The following RARB variants were observed in gnomAD, a reference collection of about 807,000 sequenced individuals.
The protein encoded by RARB is HBV-activated protein.
RARB carries 17 observed loss-of-function variants against 51.9 expected under a neutral mutation model. That is an observed-to-expected ratio of 0.33 (90% CI 0.22 to 0.49). RARB has a LOEUF of 0.49. Ranked by LOEUF, RARB falls within the 20% of genes least tolerant of loss-of-function variation. The pLI is 0.99. For synonymous variants in RARB, 215 were observed against 195.4 expected, an observed-to-expected ratio of 1.10 and a Z score of -0.84; for missense variants, 369 against 550.8, an observed-to-expected ratio of 0.67 and a Z score of 3.30.
intron 5 of RARB, among the ~76,000 whole-genome samples, chr3:25,238,239 A>G (rs1208894585): frequency 6.6e-6 from 1 of 152,024 alleles, no homozygotes; most frequent in Non-Finnish European, 1.5e-5. Flanking sequence ...CTACATATGA[A>G]TGAAAACATG....
At chr3:24,846,536 A>C (rs773235615) in intron 1 of RARB, among the ~76,000 whole-genome samples, 1 of 152,226 alleles carries the variant, frequency 6.6e-6, no homozygotes, top group Non-Finnish European at 1.5e-5. Context: ...TTAGTAAGCT[A>C]ATCTGGCAGG....
At chr3:25,534,061 C>A (rs1464607429) in intron 3 of RARB, among the ~76,000 whole-genome samples, 1 of 152,224 alleles carries the variant, frequency 6.6e-6, no homozygotes, top group Non-Finnish European at 1.5e-5. Context: ...AAATGCCTGA[C>A]TTTATTTGGC....
chr3:25,418,095 T>G (rs572207816), intron 5 of RARB, among the ~76,000 whole-genome samples: 1 of 152,294 alleles, frequency 6.6e-6, no homozygotes, highest in Admixed American at 6.5e-5. Flanking sequence ...CACACAACAC[T>G]TGTGATCACA....
In RARB at chr3:25,279,226, T is replaced by C. The variant is rs964786855; in HGVS notation, c.178+104651T>C. Reference sequence around the variant, plus strand: ...TTATTGTAAAATCAACACTGAAACTTGGATCTTCTGCCTTCAAACTTCCTT... The same window carrying C: ...TTATTGTAAAATCAACACTGAAACTCGGATCTTCTGCCTTCAAACTTCCTT... On this transcript the variant is annotated intron_variant, in intron 5 of 11. Coordinates refer to the RARB transcript ENST00000383772. Among the ~76,000 whole-genome samples, 3 of 152,168 alleles carry C rather than the reference T, an allele frequency of 2.0e-5. No homozygotes were observed. The South Asian group carries it at 6.2e-4, about 32-fold the overall frequency.
chr3:25,446,802 CAAAAAAAAAAAAAA>C (rs5847356), intron 1 of RARB, among the ~76,000 whole-genome samples: 9,630 of 70,336 alleles, frequency 0.14, 548 homozygotes, highest in East Asian at 0.4. Flanking sequence ...GACTCCGTCT[CAAAAAAAAAAAAAA>C]AAAAAAAAAA....
chr3:24,938,255 C>T (rs11710017), intron 2 of RARB, among the ~76,000 whole-genome samples: 2 of 151,864 alleles, frequency 1.3e-5, no homozygotes, highest in African/African-American at 4.8e-5. Flanking sequence ...TGGCAATTTT[C>T]TATCTACAAT....
At chr3:25,153,158 GTGC>G (rs1337847235) in intron 4 of RARB, among the ~76,000 whole-genome samples, 2 of 151,952 alleles carry the variant, frequency 1.3e-5, no homozygotes. Flanking sequence ...GTGTGTGTGT[GTGC>G]ATGCGTGCGT....
chr3:25,129,301 T>G (rs1699908460), intron 3 of RARB, among the ~76,000 whole-genome samples: 1 of 152,100 alleles, frequency 6.6e-6, no homozygotes, highest in African/African-American at 2.4e-5. Context: ...AAAGGTAGAT[T>G]TTTATTTTTC....
intron 3 of RARB, among the ~76,000 whole-genome samples, chr3:25,532,250 C>G (rs1361038150): frequency 1.3e-5 from 2 of 152,134 alleles, no homozygotes; most frequent in African/African-American, 4.8e-5. Flanking sequence ...TATCCCTAAA[C>G]CCCTTATTAT....
chr3:25,177,408 G>A (rs1356311728), intron 5 of RARB, among the ~76,000 whole-genome samples: 1 of 152,182 alleles, frequency 6.6e-6, no homozygotes, highest in Non-Finnish European at 1.5e-5. Context: ...GCTGACCAAC[G>A]TGGAATAAAA....
chr3:25,015,008 G>C (rs1240185320), intron 2 of RARB, among the ~76,000 whole-genome samples: 1 of 152,124 alleles, frequency 6.6e-6, no homozygotes, highest in African/African-American at 2.4e-5. Context: ...CAGGAAAACA[G>C]CGTTGTTTAT....
intron 4 of RARB, among the ~76,000 whole-genome samples, chr3:25,166,852 G>T (rs951698566): frequency 6.6e-5 from 10 of 152,136 alleles, no homozygotes; most frequent in African/African-American, 2.4e-4. Context: ...AGTCATCAAT[G>T]CATTAAGTGG....
chr3:24,942,392 G>A (rs147038986), intron 2 of RARB, among the ~76,000 whole-genome samples: 1 of 152,276 alleles, frequency 6.6e-6, no homozygotes, highest in East Asian at 1.9e-4. Flanking sequence ...TAATTCATAT[G>A]TAAGGAAATG....
At chr3:24,978,549 T>A (rs1194040160) in intron 2 of RARB, among the ~76,000 whole-genome samples, 1 of 152,168 alleles carries the variant, frequency 6.6e-6, no homozygotes, top group Non-Finnish European at 1.5e-5. Flanking sequence ...CATAGAGGTG[T>A]TTATAGTATT....
chr3:25,093,349 C>A (rs889312804), intron 3 of RARB, among the ~76,000 whole-genome samples: 1 of 152,248 alleles, frequency 6.6e-6, no homozygotes, highest in South Asian at 2.1e-4. Flanking sequence ...AAAACTATAA[C>A]AGTGAGAAAA....
Position 25,270,910 on chromosome 3 carries a change from G to T in RARB, c.178+96335G>T, listed in dbSNP as rs550668959. On this transcript the variant is annotated intron_variant, in intron 5 of 11. Transcript: ENST00000383772. ...CTTTCGCCCCAATCTAATATTACTG[G>T]TAAGTTTTGTGTCGGGGCTTAAGCC... Among the ~76,000 whole-genome samples the T allele has an allele frequency of 6.5e-4, 99 of 152,306 alleles. 1 individual carries two copies. The highest frequency in any genetic ancestry group is 2.3e-3 in the African/African-American group (97 of 41,582).
Position 25,368,594 on chromosome 3 carries a change from C to T in RARB, c.179-92599C>T, listed in dbSNP as rs1478357098. On this transcript the variant is annotated intron_variant, in intron 5 of 11. Transcript: ENST00000383772. Reference sequence around the variant, plus strand: ...TTGTAAGGAATTATACATGTTTTCACTGAAAACCTAGGTCATGATAAGGCA... The same window carrying T: ...TTGTAAGGAATTATACATGTTTTCATTGAAAACCTAGGTCATGATAAGGCA... Among the ~76,000 whole-genome samples, 14 of 152,292 alleles carry T rather than the reference C, an allele frequency of 9.2e-5. No homozygotes were observed. The East Asian group carries it at 2.5e-3, about 27-fold the overall frequency.
intron 2 of RARB, among the ~76,000 whole-genome samples, chr3:24,969,523 C>A (rs977612451): frequency 6.6e-6 from 1 of 152,086 alleles, no homozygotes; most frequent in East Asian, 1.9e-4. Context: ...GGGTTGAGCT[C>A]AATCTCTGTA....
At chr3:25,440,249 T>TGAGA (rs1350777265) in intron 1 of RARB, among the ~76,000 whole-genome samples, 2 of 151,518 alleles carry the variant, frequency 1.3e-5, no homozygotes, top group East Asian at 3.9e-4. Context: ...CCTAGGCACT[T>TGAGA]GAGACCAGCC....
Sources: gnomAD v4.1 joint callset for allele counts (sites outside exome capture counted in the v4.1 genomes callset) on GRCh38, gnomAD v4.1.1 for gene constraint, MANE v1.5 for transcripts, NCBI Gene and HGNC (gene_info 2026-07-23, HGNC 2026-07-21) for gene names.